The following GRIN3A variants were observed in gnomAD, a reference collection of about 807,000 sequenced individuals.
GRIN3A encodes glutamate receptor ionotropic, NMDA 3A.
In GRIN3A, 47 loss-of-function variants were observed where a neutral mutation model predicts 92.4. The observed-to-expected ratio is 0.51, with a 90% CI of 0.40 to 0.65. GRIN3A has a LOEUF of 0.65. Ranked by LOEUF, GRIN3A falls within the 30% of genes least tolerant of loss-of-function variation. The probability of loss-of-function intolerance (pLI) is 0.00; values close to 1 mark genes in which losing one functional copy is unlikely to be tolerated. For synonymous variants in GRIN3A, 527 were observed against 540.6 expected (o/e 0.97, Z 0.35); for missense variants, 1,324 against 1,393.1 (o/e 0.95, Z 0.79).
intron 1 of GRIN3A, among the ~76,000 whole-genome samples, chr9:101,715,577 T>G (rs1462851689): frequency 2.0e-5 from 3 of 152,212 alleles, no homozygotes; most frequent in Non-Finnish European, 2.9e-5. Flanking sequence ...GTTTCACATT[T>G]TTTTGATTTT....
At chr9:101,674,280 T>C (rs552104508) in intron 2 of GRIN3A, among the ~76,000 whole-genome samples, 4 of 152,196 alleles carry the variant, frequency 2.6e-5, no homozygotes, top group African/African-American at 9.6e-5. Flanking sequence ...CCTTGCTAGT[T>C]ATATAGGACA....
intron 2 of GRIN3A, among the ~76,000 whole-genome samples, chr9:101,681,271 G>A (rs1046877262): frequency 6.6e-6 from 1 of 152,118 alleles, no homozygotes; most frequent in Admixed American, 6.5e-5. Context: ...ATATCCTAAT[G>A]TTTAAAAAAA....
intron 1 of GRIN3A, among the ~76,000 whole-genome samples, chr9:101,719,763 T>G (rs1254561097): frequency 6.6e-6 from 1 of 152,204 alleles, no homozygotes; most frequent in Non-Finnish European, 1.5e-5. Flanking sequence ...GATATGATCA[T>G]TTCCAGTATT....
intron 6 of GRIN3A, among the ~76,000 whole-genome samples, chr9:101,589,033 C>T (rs1336080052): frequency 6.6e-6 from 1 of 151,972 alleles, no homozygotes; most frequent in Non-Finnish European, 1.5e-5. Flanking sequence ...TGTAGTGGAG[C>T]GATCTCAACT....
chr9:101,634,008 T>C (rs10989567), intron 3 of GRIN3A, among the ~76,000 whole-genome samples: 1 of 151,660 alleles, frequency 6.6e-6, no homozygotes, highest in African/African-American at 2.4e-5. Flanking sequence ...ACGCTGTTAC[T>C]TCTCTGCTTG....
At chr9:101,617,297 ATTGTGATATTTTTGG>A (rs1404757750) in intron 5 of GRIN3A, among the ~76,000 whole-genome samples, 2 of 151,020 alleles carry the variant, frequency 1.3e-5, no homozygotes, top group Non-Finnish European at 2.9e-5. Context: ...TTGGTTCTTG[ATTGTGATATTTTTGG>A]TAGATAAGAC....
intron 2 of GRIN3A, among the ~76,000 whole-genome samples, chr9:101,685,305 T>C (rs887488464): frequency 1.4e-5 from 2 of 144,694 alleles, no homozygotes; most frequent in African/African-American, 5.0e-5. Flanking sequence ...CCTTTTATCA[T>C]GTCTTTTTTT....
chr9:101,586,140 T>C (rs1390477027), intron 6 of GRIN3A, among the ~76,000 whole-genome samples: 2 of 152,220 alleles, frequency 1.3e-5, no homozygotes, highest in East Asian at 3.8e-4. Context: ...CTAATCACTG[T>C]GCTTAAAAAG....
In GRIN3A at chr9:101,570,931, T is replaced by G. The variant is rs1283916295; in HGVS notation, c.*2243A>C. ...TGAGTTACAAAAATGTCCATGTACA[T>G]TAGGAGCATGGCTGTAATGTGGATT... On this transcript the variant is annotated 3_prime_UTR_variant, in exon 9 of 9. Transcript: ENST00000361820. 2.0e-5 allele frequency: 3 copies of G among 152,542 alleles called. No individual in the cohort carries two copies. In the East Asian group the frequency reaches 5.8e-4, roughly 29 times the overall value. 9.4% of individuals were successfully genotyped at this position (152,542 alleles called of 1,614,324 possible).
intron 4 of GRIN3A, among the ~76,000 whole-genome samples, chr9:101,627,406 T>G: frequency 6.6e-6 from 1 of 152,202 alleles, no homozygotes; most frequent in East Asian, 1.9e-4. Flanking sequence ...TTTCTATTCT[T>G]TCTTAAAAAA....
Position 101,573,293 on chromosome 9 carries a change from G to A in GRIN3A, c.3229C>T (p.Gln1077Ter). The A allele has an allele frequency of 3.1e-6, 5 of 1,614,048 alleles. No homozygotes were observed. Among genetic ancestry groups the A allele is most frequent in the Non-Finnish European group, 4.2e-6 (5 of 1,179,980 alleles). Residue 1077 changes from glutamine (Q) to a stop codon, truncating the protein, a stop_gained, in exon 9 of 9, where the codon CAG becomes TAG. Transcript: ENST00000361820. LOFTEE classifies it high-confidence loss of function. ...TGCTTCTCGAGCTCTGAGAGTTCCT[G>A]CATCACTGAGTTCCGAGATACATTT... ...SLNVSRNSVM[Q>*]ELSELEKQIQ...
At chr9:101,604,311 G>GCAAA (rs1828249006) in intron 6 of GRIN3A, among the ~76,000 whole-genome samples, 1 of 152,220 alleles carries the variant, frequency 6.6e-6, no homozygotes, top group East Asian at 1.9e-4. Context: ...AATTGTTCTT[G>GCAAA]TAGCAAGACA....
At chr9:101,604,199 A>AT (rs1466278458) in intron 6 of GRIN3A, among the ~76,000 whole-genome samples, 13 of 152,302 alleles carry the variant, frequency 8.5e-5, no homozygotes, top group African/African-American at 3.1e-4. Context: ...AGAGAGAAAG[A>AT]AAGGGAAGGA....
Position 101,671,087 on chromosome 9 carries a change from A to C in GRIN3A, c.1325T>G (p.Phe442Cys), listed in dbSNP as rs1454190373. Residue 442 changes from phenylalanine to cysteine, a missense_variant, in exon 3 of 9, where the codon TTC (phenylalanine) becomes TGC (cysteine). Phe to Cys is a radical substitution (Grantham distance 205). Coordinates refer to ENST00000361820, the MANE Select transcript of GRIN3A (RefSeq NM_133445.3). ...TCTGATGGAACCACTGAGGCCTCTG[A>C]AAGTGGTATTGGCTAGAAACCTGGG... ...YLSRFLANTTFRGLSGSIRVK... is the reference protein window; with the variant it reads ...YLSRFLANTTCRGLSGSIRVK... 1 of 1,613,562 alleles carries C rather than the reference A, an allele frequency of 6.2e-7. No homozygotes were observed. Among genetic ancestry groups the C allele is most frequent in the Non-Finnish European group, 8.5e-7 (1 of 1,179,510 alleles).
intron 6 of GRIN3A, chr9:101,592,770 C>A (rs201233530): frequency 9.4e-6 from 1 of 106,884 alleles, no homozygotes. Context: ...TTTTTTTTTT[C>A]TATTTTGGTC....
chr9:101,690,762 CACTAATAGGT>C (rs1270634942), intron 1 of GRIN3A, among the ~76,000 whole-genome samples: 1 of 151,844 alleles, frequency 6.6e-6, no homozygotes, highest in Non-Finnish European at 1.5e-5. Flanking sequence ...AACAGGGAAG[CACTAATAGGT>C]ACTAATAGGT....
intron 6 of GRIN3A, among the ~76,000 whole-genome samples, chr9:101,588,377 C>G (rs768046952): frequency 6.6e-6 from 1 of 152,140 alleles, no homozygotes; most frequent in Non-Finnish European, 1.5e-5. Context: ...ACAGCACTCT[C>G]TGCATTCCTC....
intron 2 of GRIN3A, among the ~76,000 whole-genome samples, chr9:101,685,736 AAATAATATTTTATATATATAT>A (rs1305776072): frequency 1.3e-5 from 2 of 149,690 alleles, no homozygotes; most frequent in Non-Finnish European, 3.0e-5. Flanking sequence ...ATAAACAAAT[AAATAATATTTTATATATATAT>A]AATACTCTTA....
At chr9:101,721,794 A>G (rs1473283228) in intron 1 of GRIN3A, among the ~76,000 whole-genome samples, 1 of 152,238 alleles carries the variant, frequency 6.6e-6, no homozygotes, top group Non-Finnish European at 1.5e-5. Flanking sequence ...TCTGGCCAGA[A>G]GAAATTTCTA....
Sources: gnomAD v4.1 joint callset for allele counts (sites outside exome capture counted in the v4.1 genomes callset) on GRCh38, gnomAD v4.1.1 for gene constraint, MANE v1.5 for transcripts, NCBI Gene and HGNC (gene_info 2026-07-23, HGNC 2026-07-21) for gene names.